DENND2A: variants seen among roughly 807,000 people sequenced by gnomAD.
DENND2A encodes the protein DENN domain-containing protein 2A.
DENND2A carries 53 observed loss-of-function variants against 105.3 expected under a neutral mutation model. That is an observed-to-expected ratio of 0.50 (90% CI 0.40 to 0.63). The LOEUF is 0.63. DENND2A is among the 30% of genes least tolerant of loss of function. The probability of loss-of-function intolerance (pLI) is 0.00; values close to 1 mark genes in which losing one functional copy is unlikely to be tolerated. For missense variants in DENND2A, 1,138 were observed against 1,279.6 expected, an observed-to-expected ratio of 0.89 and a Z score of 1.69; for synonymous variants, 522 against 508.4, an observed-to-expected ratio of 1.03 and a Z score of -0.36.
At chr7:140,605,211 G>A (rs565055643) in intron 2 of DENND2A, among the ~76,000 whole-genome samples, 44 of 152,236 alleles carry the variant, frequency 2.9e-4, no homozygotes, top group African/African-American at 8.7e-4. Context: ...GGATTCTCCC[G>A]CCCCATAAGG....
chr7:140,558,806 CT>C (rs34152911), intron 10 of DENND2A, among the ~76,000 whole-genome samples: 13 of 141,026 alleles, frequency 9.2e-5, no homozygotes, highest in Non-Finnish European at 7.6e-5. Flanking sequence ...GTCATTTTCT[CT>C]TTTTTTTTTT....
chr7:140,617,693 G>T (rs1800135063), intron 1 of DENND2A, among the ~76,000 whole-genome samples: 1 of 152,262 alleles, frequency 6.6e-6, no homozygotes. Context: ...CAGCCTGGGT[G>T]ACAGAGTGAG....
intron 9 of DENND2A, among the ~76,000 whole-genome samples, chr7:140,564,296 A>ACACAC (rs11407278): frequency 7.0e-6 from 1 of 141,996 alleles, no homozygotes. Flanking sequence ...AAAAAAAAAA[A>ACACAC]ATACACACAC....
chr7:140,625,469 C>T (rs1387216861), intron 1 of DENND2A, among the ~76,000 whole-genome samples: 1 of 152,150 alleles, frequency 6.6e-6, no homozygotes, highest in Non-Finnish European at 1.5e-5. Context: ...CACTTGAGGT[C>T]AGGAGTTTGA....
chr7:140,538,385 G>T (rs55769135), intron 14 of DENND2A, among the ~76,000 whole-genome samples: 4,497 of 152,274 alleles, frequency 0.03, 136 homozygotes, highest in Non-Finnish European at 0.041. Context: ...GAAATCAGGA[G>T]AATAAGGAGG....
intron 5 of DENND2A, among the ~76,000 whole-genome samples, chr7:140,584,361 A>T (rs551308562): frequency 6.6e-6 from 1 of 152,352 alleles, no homozygotes; most frequent in Admixed American, 6.5e-5. Flanking sequence ...TAGTTACAAC[A>T]GAGACCATAT....
chr7:140,567,304 A>AGAG (rs1554470084), intron 8 of DENND2A, 31 bp from the exon 9 acceptor site: 7,067 of 657,266 alleles, frequency 0.011, 83 homozygotes, highest in African/African-American at 0.022. Context: ...GAAAGAGAGA[A>AGAG]AGAGAGAGAG....
intron 1 of DENND2A, among the ~76,000 whole-genome samples, chr7:140,610,249 A>T (rs1036824883): frequency 6.6e-6 from 1 of 151,248 alleles, no homozygotes; most frequent in Admixed American, 6.6e-5. Context: ...AGGATTACAG[A>T]CATGAGCCAC....
chr7:140,590,154 C>T (rs1329486166), intron 3 of DENND2A, among the ~76,000 whole-genome samples: 3 of 152,106 alleles, frequency 2.0e-5, no homozygotes, highest in Non-Finnish European at 1.5e-5. Context: ...CTTTGGGAGG[C>T]CGAGGCGGGC....
At chr7:140,632,015 C>T (rs1206040941) in intron 1 of DENND2A, among the ~76,000 whole-genome samples, 1 of 152,126 alleles carries the variant, frequency 6.6e-6, no homozygotes, top group African/African-American at 2.4e-5. Flanking sequence ...GAGCATATAG[C>T]TTCTCCCCCA....
intron 9 of DENND2A, among the ~76,000 whole-genome samples, chr7:140,561,932 G>A (rs942240089): frequency 1.9e-4 from 29 of 151,210 alleles, no homozygotes; most frequent in African/African-American, 6.6e-4. Flanking sequence ...CTCTGTCACC[G>A]AGGCTGGAGT....
intron 13 of DENND2A, among the ~76,000 whole-genome samples, chr7:140,545,052 T>C (rs963155421): frequency 1.3e-5 from 2 of 152,110 alleles, no homozygotes; most frequent in African/African-American, 4.8e-5. Context: ...AAATCAATGG[T>C]TTCCGGCCCC....
At chr7:140,608,136 ATACTTAAGTGAACTCAC>A (rs909563757) in intron 1 of DENND2A, among the ~76,000 whole-genome samples, 46 of 152,326 alleles carry the variant, frequency 3.0e-4, no homozygotes, top group African/African-American at 1.0e-3. Context: ...AAATGACATG[ATACTTAAGTGAACTCAC>A]TTCCCATCAG....
intron 11 of DENND2A, among the ~76,000 whole-genome samples, chr7:140,557,509 G>GTGTA (rs1554467279): frequency 6.0e-5 from 1 of 16,780 alleles, no homozygotes; most frequent in African/African-American, 1.4e-4. Flanking sequence ...TTATTTTTTA[G>GTGTA]TATATATATA....
At position 140,522,210 on chromosome 7, in the gene DENND2A, TG is replaced by T. The variant is rs1231832444; in HGVS notation, c.2666-111del. Reference sequence around the variant, plus strand: ...GAACAGTAACTGCTAGTTCCCTTGATGGAAACTGCGATTATCCAGGAGGAGG... The same window carrying T: ...GAACAGTAACTGCTAGTTCCCTTGATGAAACTGCGATTATCCAGGAGGAGG... On this transcript the variant is annotated intron_variant, in intron 17 of 19. Transcript: ENST00000496613. The T allele has an allele frequency of 1.3e-5, 18 of 1,386,100 alleles. 1 individual carries two copies. The African/African-American group carries it at 2.0e-4, about 15-fold the overall frequency. 85.9% of individuals were successfully genotyped at this position (1,386,100 alleles called of 1,614,324 possible).
intron 12 of DENND2A, among the ~76,000 whole-genome samples, chr7:140,553,651 G>T (rs1468151761): frequency 2.0e-5 from 3 of 152,164 alleles, no homozygotes; most frequent in Admixed American, 6.5e-5. Context: ...GCGGCCTTCC[G>T]CAGTGTTTGT....
chr7:140,633,399 C>T (rs775537625), intron 1 of DENND2A, among the ~76,000 whole-genome samples: 1 of 152,168 alleles, frequency 6.6e-6, no homozygotes, highest in African/African-American at 2.4e-5. Context: ...AAGTGATCTA[C>T]CCGCCTTGGC....
chr7:140,593,899 C>CTT (rs370516056), intron 3 of DENND2A, among the ~76,000 whole-genome samples: 4 of 144,174 alleles, frequency 2.8e-5, no homozygotes, highest in Non-Finnish European at 4.6e-5. Flanking sequence ...ACAAGCAAAT[C>CTT]TTTTTTTTTT....
chr7:140,606,101 C>T (rs1228035668), intron 1 of DENND2A, among the ~76,000 whole-genome samples: 3 of 152,138 alleles, frequency 2.0e-5, no homozygotes, highest in African/African-American at 7.2e-5. Context: ...AATGCAGTGG[C>T]ATGCTCTTGG....
Sources: gnomAD v4.1 joint callset for allele counts (sites outside exome capture counted in the v4.1 genomes callset) on GRCh38, gnomAD v4.1.1 for gene constraint, MANE v1.5 for transcripts, NCBI Gene and HGNC (gene_info 2026-07-23, HGNC 2026-07-21) for gene names.